TBL1X: variants seen among roughly 807,000 people sequenced by gnomAD.
The protein encoded by TBL1X is F-box-like/WD repeat-containing protein TBL1X.
Under a neutral mutation model 50.7 loss-of-function variants are expected in TBL1X, and 10 were observed. The ratio of observed to expected loss-of-function variants is 0.20; its 90% confidence interval spans 0.12 to 0.33. TBL1X has a LOEUF of 0.33. TBL1X is among the 10% of genes least tolerant of loss of function. The pLI, the probability that TBL1X is intolerant of heterozygous loss-of-function variation, is 1.00. For synonymous variants in TBL1X, 190 were observed against 214.7 expected (o/e 0.88, Z 1.01); for missense variants, 340 against 504.4 (o/e 0.67, Z 3.12).
chrX:9,504,695 A>C (rs2082017639), intron 2 of TBL1X, among the ~76,000 whole-genome samples: 1 of 112,139 alleles, frequency 8.9e-6, no homozygotes. Context: ...CAACAGCTGA[A>C]TCGACCAAGT....
At chrX:9,642,222 T>G (rs2091174641) in intron 3 of TBL1X, among the ~76,000 whole-genome samples, 2 of 111,902 alleles carry the variant, frequency 1.8e-5, no homozygotes, top group African/African-American at 3.3e-5. Flanking sequence ...GGTATCTGTG[T>G]TTGGCTTTAT....
intron 6 of TBL1X, among the ~76,000 whole-genome samples, chrX:9,686,446 G>A (rs1357029650): frequency 2.7e-5 from 3 of 112,363 alleles, no homozygotes; most frequent in Non-Finnish European, 3.8e-5. Flanking sequence ...ATCTGTAATC[G>A]CAGCACTTTG....
chrX:9,587,956 G>A (rs778439355), intron 2 of TBL1X, among the ~76,000 whole-genome samples: 2 of 111,403 alleles, frequency 1.8e-5, no homozygotes, highest in Non-Finnish European at 1.9e-5. Flanking sequence ...TCATGTGGTA[G>A]CACGTGCCAG....
At chrX:9,533,802 C>T (rs1254343011) in intron 2 of TBL1X, among the ~76,000 whole-genome samples, 3 of 111,356 alleles carry the variant, frequency 2.7e-5, no homozygotes, top group Non-Finnish European at 5.7e-5. Flanking sequence ...GCTCCGGGCT[C>T]CTTCGAAAGG....
At chrX:9,581,602 G>A (rs2082442643) in intron 2 of TBL1X, among the ~76,000 whole-genome samples, 1 of 112,033 alleles carries the variant, frequency 8.9e-6, no homozygotes, top group South Asian at 3.8e-4. Context: ...ATCCCACCAT[G>A]CACAGTACAG....
In TBL1X at chrX:9,565,520, A is replaced by C. The variant is rs1323994400; in HGVS notation, c.-131+63671A>C. On this transcript the variant is annotated intron_variant, in intron 2 of 17. Transcript: ENST00000645353. Reference sequence around the variant, plus strand: ...TGATGTATTGATTAGAGTATCACAAACAGACTATTTAGAAACATGGAAGTC... The same window carrying C: ...TGATGTATTGATTAGAGTATCACAACCAGACTATTTAGAAACATGGAAGTC... 2.7e-5 allele frequency among the ~76,000 whole-genome samples: 3 copies of C among 111,449 alleles called. No homozygotes were observed. The Admixed American group carries it at 2.9e-4, about 11-fold the overall frequency.
chrX:9,594,113 A>T (rs1408259418), intron 2 of TBL1X, among the ~76,000 whole-genome samples: 3 of 112,765 alleles, frequency 2.7e-5, no homozygotes, highest in Non-Finnish European at 5.6e-5. Flanking sequence ...GAGGAAATGC[A>T]TTTCTTAGGA....
At position 9,714,454 on chromosome X, in the gene TBL1X, A is replaced by G. The variant is rs1215784699; in HGVS notation, c.1606-448A>G. ...GGAAACAGGGAGGAAGGTAGGGGGAAGGGAGAATTCAGACCATAAGGCCAG... is the reference window on the plus strand; with the variant it reads ...GGAAACAGGGAGGAAGGTAGGGGGAGGGGAGAATTCAGACCATAAGGCCAG... On this transcript the variant is annotated intron_variant, in intron 16 of 17. Coordinates refer to ENST00000645353, the MANE Select transcript of TBL1X (RefSeq NM_005647.4). 2.7e-5 allele frequency among the ~76,000 whole-genome samples: 3 copies of G among 111,348 alleles called. No individual in the cohort carries two copies. The East Asian group carries it at 8.5e-4, about 32-fold the overall frequency.
intron 5 of TBL1X, among the ~76,000 whole-genome samples, chrX:9,674,565 A>G (rs991296088): frequency 9.3e-6 from 1 of 107,271 alleles, no homozygotes; most frequent in African/African-American, 3.4e-5. Flanking sequence ...CGCCTGACCT[A>G]TTTATTGTTT....
At position 9,573,131 on chromosome X, in the gene TBL1X, G is replaced by A. The variant is rs1287370287; in HGVS notation, c.-130-67142G>A. The stretch of plus-strand genomic sequence containing the variant: ...ATCATCACAGCAGGAGGATTTTCTG[G>A]TTTATGCACTAGGGTGCATTTAATC... On this transcript the variant is annotated intron_variant, in intron 2 of 17. Coordinates refer to ENST00000645353, the MANE Select transcript of TBL1X (RefSeq NM_005647.4). Among the ~76,000 whole-genome samples, 8 of 112,907 alleles carry A rather than the reference G, an allele frequency of 7.1e-5. No homozygotes were observed. The Admixed American group carries it at 7.5e-4, about 11-fold the overall frequency.
intron 8 of TBL1X, 30 bp downstream of exon 8, chrX:9,691,741 G>C: frequency 8.3e-7 from 1 of 1,204,356 alleles, no homozygotes; most frequent in Non-Finnish European, 1.1e-6. Context: ...GGGCGCTCCA[G>C]AGTTGGGGAG....
chrX:9,591,564 G>A (rs187825156), intron 2 of TBL1X, among the ~76,000 whole-genome samples: 322 of 112,462 alleles, frequency 2.9e-3, no homozygotes, highest in African/African-American at 9.9e-3. Context: ...AGGTAAGGGG[G>A]TGGAGGTGTG....
chrX:9,512,794 C>T (rs142065718), intron 2 of TBL1X, among the ~76,000 whole-genome samples: 10,772 of 110,947 alleles, frequency 0.097, 402 homozygotes, highest in South Asian at 0.17. Context: ...CCACCGCACC[C>T]GGCCAGTGTA....
At chrX:9,486,617 A>G (rs2081914620) in intron 1 of TBL1X, among the ~76,000 whole-genome samples, 1 of 105,346 alleles carries the variant, frequency 9.5e-6, no homozygotes, top group South Asian at 4.4e-4. Context: ...CGCCGCCTCA[A>G]GTCTTCCCAC....
rs182471489 is a variant in TBL1X at position 9,682,667 on chromosome X, G to A, written c.212-1376G>A. Among the ~76,000 whole-genome samples, 344 of 111,858 alleles carry A rather than the reference G, an allele frequency of 3.1e-3. 2 individuals carry two copies. Among genetic ancestry groups the A allele is most frequent in the African/African-American group, 0.011 (335 of 30,803 alleles). On this transcript the variant is annotated intron_variant, in intron 5 of 17. Coordinates refer to ENST00000645353, the MANE Select transcript of TBL1X (RefSeq NM_005647.4). ...TGCATTTGGATAAGGCGAGGCAGAAGGGCACTGATACGGAAGCAGAGGGAA... is the reference window on the plus strand; with the variant it reads ...TGCATTTGGATAAGGCGAGGCAGAAAGGCACTGATACGGAAGCAGAGGGAA...
At chrX:9,512,855 A>C (rs1242009234) in intron 2 of TBL1X, among the ~76,000 whole-genome samples, 2 of 111,403 alleles carry the variant, frequency 1.8e-5, no homozygotes, top group Non-Finnish European at 3.8e-5. Flanking sequence ...TCTTTCAGGG[A>C]AAGATTGAGT....
chrX:9,479,567 T>C (rs1459568514), intron 1 of TBL1X, among the ~76,000 whole-genome samples: 4 of 112,893 alleles, frequency 3.5e-5, no homozygotes, highest in African/African-American at 1.3e-4. Context: ...AAGGACAGTT[T>C]AAAGATTATT....
At chrX:9,669,643 T>G (rs1466444199) in intron 5 of TBL1X, among the ~76,000 whole-genome samples, 2 of 111,717 alleles carry the variant, frequency 1.8e-5, no homozygotes, top group African/African-American at 6.5e-5. Flanking sequence ...CTAATGCCTT[T>G]GTCATGCAAG....
chrX:9,685,226 G>A (rs899457663), intron 6 of TBL1X, among the ~76,000 whole-genome samples: 1 of 112,081 alleles, frequency 8.9e-6, no homozygotes, highest in Non-Finnish European at 1.9e-5. Context: ...TGATTCTGCA[G>A]TGAAGATCCC....
Sources: allele counts gnomAD v4.1 joint callset (sites outside exome capture counted in the v4.1 genomes callset), GRCh38; gene constraint gnomAD v4.1.1; transcripts MANE v1.5; gene names NCBI Gene and HGNC (gene_info 2026-07-23, HGNC 2026-07-21).